The following ADCY4 variants were observed in gnomAD, a reference collection of about 807,000 sequenced individuals.
ADCY4 encodes adenylate cyclase type 4.
A neutral mutation model predicts 125.5 loss-of-function variants in ADCY4; 111 were observed. That is an observed-to-expected ratio of 0.88 (90% CI 0.76 to 1.04). The LOEUF (loss-of-function observed/expected upper bound fraction) is 1.04, where lower values mean the gene tolerates loss of function less well. Ranked by LOEUF, ADCY4 falls within the 50% of genes least tolerant of loss-of-function variation. The pLI, the probability that ADCY4 is intolerant of heterozygous loss-of-function variation, is 0.00. For synonymous variants in ADCY4, 576 were observed against 586.9 expected, an observed-to-expected ratio of 0.98 and a Z score of 0.27; for missense variants, 1,256 against 1,382.9, an observed-to-expected ratio of 0.91 and a Z score of 1.46.
chr14:24,332,409 G>T, intron 3 of ADCY4, 113 bp downstream of exon 3: 1 of 1,249,808 alleles, frequency 8.0e-7, no homozygotes, highest in Non-Finnish European at 1.1e-6. Flanking sequence ...TGGGTATCCT[G>T]CGCCCAGCGT....
At chr14:24,321,553 C>T (rs74385226) in intron 20 of ADCY4, among the ~76,000 whole-genome samples, 5,883 of 151,944 alleles carry the variant, frequency 0.039, 171 homozygotes, top group Middle Eastern at 0.069. Context: ...GCAAAAACTG[C>T]GATTAATTTT....
At chr14:24,326,539 T>A (rs988009304) in intron 10 of ADCY4, 197 bp from the exon 11 acceptor site, 9 of 624,460 alleles carry the variant, frequency 1.4e-5, no homozygotes, top group Non-Finnish European at 2.6e-5. Context: ...CTCCTTAAAG[T>A]TTCCCCCTGA....
intron 16 of ADCY4, 71 bp from the exon 17 acceptor site, chr14:24,323,525 A>T: frequency 6.5e-7 from 1 of 1,536,720 alleles, no homozygotes; most frequent in East Asian, 2.5e-5. Flanking sequence ...GCTGGGTTTC[A>T]GCTGACCCAG....
At position 24,331,060 on chromosome 14, in the gene ADCY4, G is replaced by A. The variant is rs139243529; in HGVS notation, c.888C>T (p.Leu296=). 2.1e-5 allele frequency: 34 copies of A among 1,612,902 alleles called. No individual in the cohort carries two copies. The highest frequency in any genetic ancestry group is 1.7e-4 in the Middle Eastern group (1 of 6,058). ...ACTTGCCAAAGAGCTCATTGAGCATGAGCACCAGCTCCTTAGGGGAACACT... is the reference window on the plus strand; with the variant it reads ...ACTTGCCAAAGAGCTCATTGAGCATAAGCACCAGCTCCTTAGGGGAACACT... ...ASECSPKELV[L]MLNELFGKFD... Residue 296 remains leucine, a synonymous_variant, in exon 6 of 25, where the codon CTC becomes CTT. Coordinates refer to ENST00000418030, the MANE Select transcript of ADCY4 (RefSeq NM_001198568.2).
intron 8 of ADCY4, 35 bp from the exon 9 acceptor site, chr14:24,329,568 G>A: frequency 6.6e-7 from 1 of 1,504,272 alleles, no homozygotes; most frequent in African/African-American, 1.4e-5. Flanking sequence ...TCAGCAGGGA[G>A]GGCCTTCAAA....
rs779593020 is a variant in ADCY4 at position 24,330,026 on chromosome 14, G to C, written c.1059-8C>G. On this transcript the variant is annotated splice_region_variant and splice_polypyrimidine_tract_variant and intron_variant, in intron 7 of 24. Transcript: ENST00000418030. ...GTGGCTGCCCGCAGTTTCCTGAGCA[G>C]TGTGTGTGTGGGACAATCTGAGTCC... is the stretch of plus-strand genomic sequence containing the variant. The C allele has an allele frequency of 3.7e-6, 6 of 1,608,746 alleles. No homozygotes were observed. The highest frequency in any genetic ancestry group is 5.1e-6 in the Non-Finnish European group (6 of 1,176,590).
At chr14:24,333,089 G>A (rs2042072540) in intron 1 of ADCY4, 101 bp from the exon 2 acceptor site, 1 of 1,234,270 alleles carries the variant, frequency 8.1e-7, no homozygotes, top group Non-Finnish European at 1.1e-6. Flanking sequence ...GTTCTGAAAG[G>A]TGTCTCAAGC....
chr14:24,329,642 A>G (rs1301153440), intron 8 of ADCY4, 109 bp from the exon 9 acceptor site: 10 of 1,448,366 alleles, frequency 6.9e-6, no homozygotes, highest in Non-Finnish European at 9.1e-6. Context: ...CATGTCTTTT[A>G]AAGATCGTTC....
chr14:24,330,913 C>T (rs1051226433), intron 6 of ADCY4, 105 bp downstream of exon 6: 56 of 1,008,970 alleles, frequency 5.6e-5, no homozygotes, highest in Non-Finnish European at 8.0e-5. Context: ...CCTGCATGCA[C>T]TGAAGTGGGC....
chr14:24,334,476 A>G lies in ADCY4; in HGVS notation c.159+18T>C, dbSNP rs750383615. The G allele has an allele frequency of 1.3e-6, 2 of 1,573,374 alleles. No individual in the cohort carries two copies. Among genetic ancestry groups the G allele is most frequent in the South Asian group, 1.2e-5 (1 of 86,922 alleles). On this transcript the variant is annotated intron_variant, in intron 1 of 24. Coordinates refer to ENST00000418030, the MANE Select transcript of ADCY4 (RefSeq NM_001198568.2). ...GCTCCCCAGGTAGAGACCCTCCCGCAGCAGAGGCTCGGCTCACCCTGCCGC... is the reference window on the plus strand; with the variant it reads ...GCTCCCCAGGTAGAGACCCTCCCGCGGCAGAGGCTCGGCTCACCCTGCCGC...
At chr14:24,333,833 AC>A (rs960329238) in intron 1 of ADCY4, among the ~76,000 whole-genome samples, 27 of 152,238 alleles carry the variant, frequency 1.8e-4, no homozygotes, top group African/African-American at 6.5e-4. Context: ...CTCCCTGGCC[AC>A]CAGGGCTGCG....
chr14:24,334,846 G>T lies in ADCY4; in HGVS notation c.-194C>A. ...TCCCAGCCCGCTCCCAGCTGGCGAT[G>T]AGGGGATCCCTCAGTCCTTTCCTCC... On this transcript the variant is annotated 5_prime_UTR_variant, in exon 1 of 25. Transcript: ENST00000418030. 1.7e-6 allele frequency: 1 copy of T among 576,064 alleles called. No homozygotes were observed. Among genetic ancestry groups the T allele is most frequent in the South Asian group, 2.1e-5 (1 of 47,526 alleles). 35.7% of individuals were successfully genotyped at this position (576,064 alleles called of 1,614,324 possible).
At chr14:24,318,803 G>T in intron 23 of ADCY4, 25 bp from the exon 24 acceptor site, 3 of 1,613,626 alleles carry the variant, frequency 1.9e-6, no homozygotes, top group Non-Finnish European at 2.5e-6. Flanking sequence ...GGTAATGACA[G>T]ACTTGGAGAA....
At chr14:24,328,821 G>A (rs1192109339) in intron 10 of ADCY4, 7 of 554,830 alleles carry the variant, frequency 1.3e-5, no homozygotes, top group South Asian at 4.6e-5. Flanking sequence ...TCCCTACAAT[G>A]GTGTCTGTAG....
chr14:24,334,284 G>A (rs1345209221), intron 1 of ADCY4, among the ~76,000 whole-genome samples: 1 of 152,178 alleles, frequency 6.6e-6, no homozygotes, highest in African/African-American at 2.4e-5. Context: ...GGACAGAAAC[G>A]AGAAGCATCC....
intron 4 of ADCY4, 170 bp from the exon 5 acceptor site, chr14:24,331,526 C>G (rs1434257269): frequency 1.3e-5 from 13 of 963,872 alleles, no homozygotes; most frequent in Middle Eastern, 3.1e-4. Context: ...CTACACTGAT[C>G]ACCTTTAGTG....
intron 1 of ADCY4, among the ~76,000 whole-genome samples, chr14:24,333,841 T>G (rs1232403119): frequency 6.6e-6 from 1 of 152,146 alleles, no homozygotes; most frequent in African/African-American, 2.4e-5. Flanking sequence ...CCACCAGGGC[T>G]GCGATCTCGC....
intron 11 of ADCY4, 33 bp downstream of exon 11, chr14:24,326,266 G>A: frequency 6.2e-7 from 1 of 1,614,026 alleles, no homozygotes; most frequent in African/African-American, 1.3e-5. Flanking sequence ...CATCCAGACA[G>A]CCCCACTGGC....
intron 14 of ADCY4, among the ~76,000 whole-genome samples, chr14:24,324,695 CTGAGT>C (rs2139203677): frequency 6.6e-6 from 1 of 151,782 alleles, no homozygotes; most frequent in East Asian, 1.9e-4. Context: ...TTTAACTTGG[CTGAGT>C]TTTTTTTTTT....
Sources: gnomAD v4.1 joint callset for allele counts (sites outside exome capture counted in the v4.1 genomes callset) on GRCh38, gnomAD v4.1.1 for gene constraint, MANE v1.5 for transcripts, NCBI Gene and HGNC (gene_info 2026-07-23, HGNC 2026-07-21) for gene names.